The following RAD51B variants were observed in gnomAD, a reference collection of about 807,000 sequenced individuals.
RAD51B encodes the protein DNA repair protein RAD51 homolog 2.
Under a neutral mutation model 42.2 loss-of-function variants are expected in RAD51B, and 38 were observed. The observed-to-expected ratio is 0.90, with a 90% confidence interval of 0.70 to 1.18. The LOEUF is 1.18. RAD51B is among the 50% of genes most tolerant of loss of function. The pLI is 0.00. For missense variants in RAD51B, 373 were observed against 400.7 expected, an observed-to-expected ratio of 0.93 and a Z score of 0.59; for synonymous variants, 154 against 145.2, an observed-to-expected ratio of 1.06 and a Z score of -0.43.
At position 68,331,367 on chromosome 14, in the gene RAD51B, C is replaced by CAAAAAAAAAA. The variant is rs778136542; in HGVS notation, c.853+39396_853+39405dup. On this transcript the variant is annotated intron_variant, in intron 8 of 10. Transcript: ENST00000471583. ...TGGGCTACAGAACGAGACTCTGTCT[C>CAAAAAAAAAA]AAAAAAAAAAAAAAAAAAGCAATGG... Among the ~76,000 whole-genome samples, 163 of 32,926 alleles carry CAAAAAAAAAA rather than the reference C, an allele frequency of 5.0e-3. 31 individuals carry two copies. The highest frequency in any genetic ancestry group is 0.016 in the Middle Eastern group (1 of 62). The allele number at this position is 32,926 out of a possible 152,430, so 21.6% of individuals were successfully genotyped here.
chr14:68,147,701 C>A (rs900205533), intron 7 of RAD51B, among the ~76,000 whole-genome samples: 1 of 151,012 alleles, frequency 6.6e-6, no homozygotes, highest in African/African-American at 2.4e-5. Flanking sequence ...AGAAGTTGTT[C>A]TTTATATTTT....
At chr14:68,200,358 A>G (rs749858752) in intron 7 of RAD51B, among the ~76,000 whole-genome samples, 4 of 152,202 alleles carry the variant, frequency 2.6e-5, no homozygotes, top group African/African-American at 4.8e-5. Flanking sequence ...GGAGCTTGTC[A>G]TTCTTGGAGA....
chr14:68,385,687 G>T (rs1448223668), intron 8 of RAD51B, among the ~76,000 whole-genome samples: 1 of 152,148 alleles, frequency 6.6e-6, no homozygotes, highest in East Asian at 1.9e-4. Context: ...TACGCAAATT[G>T]TTCCTATCAA....
At chr14:68,648,214 G>A (rs1486654740) in intron 10 of RAD51B, among the ~76,000 whole-genome samples, 2 of 146,058 alleles carry the variant, frequency 1.4e-5, no homozygotes, top group East Asian at 2.1e-4. Context: ...ACCCGCATGT[G>A]TGTGAGTAAA....
At chr14:68,682,909 GCTTT>G (rs1893464261) in intron 11 of RAD51B, 3 of 731,190 alleles carry the variant, frequency 4.1e-6, no homozygotes, top group African/African-American at 2.8e-5. Flanking sequence ...GTAGCTTATG[GCTTT>G]TTTTTTTTTT....
intron 5 of RAD51B, among the ~76,000 whole-genome samples, chr14:67,883,308 A>G (rs1304299600): frequency 4.0e-5 from 6 of 151,666 alleles, no homozygotes; most frequent in Non-Finnish European, 8.8e-5. Context: ...AAAAGCTAAA[A>G]AAAAAAAATA....
At chr14:67,983,751 T>C (rs1417403597) in intron 7 of RAD51B, among the ~76,000 whole-genome samples, 1 of 152,100 alleles carries the variant, frequency 6.6e-6, no homozygotes, top group African/African-American at 2.4e-5. Context: ...TTTTTTATAT[T>C]TTGGGAGAAA....
At chr14:68,392,515 C>G (rs569565003) in intron 8 of RAD51B, among the ~76,000 whole-genome samples, 1 of 152,302 alleles carries the variant, frequency 6.6e-6, no homozygotes, top group Admixed American at 6.5e-5. Context: ...CCACTTTGAA[C>G]TGAATGATTT....
At chr14:68,131,407 A>G (rs1246160281) in intron 7 of RAD51B, among the ~76,000 whole-genome samples, 1 of 152,150 alleles carries the variant, frequency 6.6e-6, no homozygotes, top group African/African-American at 2.4e-5. Context: ...TCAAAGATGG[A>G]CATATTCGCT....
intron 7 of RAD51B, among the ~76,000 whole-genome samples, chr14:68,285,812 T>C (rs1257388303): frequency 6.6e-6 from 1 of 152,060 alleles, no homozygotes; most frequent in Non-Finnish European, 1.5e-5. Flanking sequence ...CCATGAAAAA[T>C]TTAGTTTCAA....
intron 7 of RAD51B, among the ~76,000 whole-genome samples, chr14:67,970,232 A>G (rs1372425800): frequency 6.6e-6 from 1 of 152,188 alleles, no homozygotes; most frequent in Admixed American, 6.5e-5. Context: ...ACACAAATTA[A>G]TGGTAGCAGT....
chr14:67,856,475 C>T (rs1396508893), intron 4 of RAD51B, among the ~76,000 whole-genome samples: 3 of 151,850 alleles, frequency 2.0e-5, no homozygotes, highest in Middle Eastern at 3.4e-3. Context: ...GTTGAGCAAA[C>T]GGAGACAAGT....
intron 7 of RAD51B, among the ~76,000 whole-genome samples, chr14:67,989,283 C>G (rs1298393399): frequency 1.3e-5 from 2 of 152,144 alleles, no homozygotes; most frequent in Non-Finnish European, 2.9e-5. Flanking sequence ...GACACATTTT[C>G]TAAAAGAAAG....
intron 7 of RAD51B, among the ~76,000 whole-genome samples, chr14:68,104,668 C>T (rs904388424): frequency 6.6e-6 from 1 of 152,126 alleles, no homozygotes; most frequent in Non-Finnish European, 1.5e-5. Flanking sequence ...TTGTTGACAT[C>T]ATGTCTCTGC....
chr14:68,082,028 T>C (rs959695091), intron 7 of RAD51B, among the ~76,000 whole-genome samples: 6 of 152,080 alleles, frequency 3.9e-5, no homozygotes, highest in Middle Eastern at 3.2e-3. Flanking sequence ...TGGTGCGATC[T>C]CGGCTCACTG....
intron 7 of RAD51B, among the ~76,000 whole-genome samples, chr14:68,237,764 T>A (rs1450033510): frequency 7.5e-6 from 1 of 134,034 alleles, no homozygotes; most frequent in African/African-American, 2.8e-5. Flanking sequence ...TGAGACGGAG[T>A]CTTGCTCTGT....
intron 7 of RAD51B, among the ~76,000 whole-genome samples, chr14:68,095,836 C>T (rs904226477): frequency 6.6e-5 from 10 of 151,852 alleles, no homozygotes; most frequent in African/African-American, 1.4e-4. Flanking sequence ...ATTAGCCAGG[C>T]GTGGTGGCGG....
At chr14:68,196,417 C>G (rs759002970) in intron 7 of RAD51B, among the ~76,000 whole-genome samples, 1 of 152,054 alleles carries the variant, frequency 6.6e-6, no homozygotes, top group Admixed American at 6.6e-5. Flanking sequence ...GTATGGCCTA[C>G]AAAGTCCTGC....
At chr14:68,541,174 C>G (rs1432486214) in intron 10 of RAD51B, 1 of 985,302 alleles carries the variant, frequency 1.0e-6, no homozygotes, top group Non-Finnish European at 1.2e-6. Context: ...CCAAGCCAAT[C>G]ACCAGGGAGA....
Sources: gnomAD v4.1 joint callset for allele counts (sites outside exome capture counted in the v4.1 genomes callset) on GRCh38, gnomAD v4.1.1 for gene constraint, MANE v1.5 for transcripts, NCBI Gene and HGNC (gene_info 2026-07-23, HGNC 2026-07-21) for gene names.